The following VPS13B variants were observed in gnomAD, a reference collection of about 807,000 sequenced individuals.
The protein encoded by VPS13B is vacuolar protein sorting 13 homolog B.
In VPS13B, 285 loss-of-function variants were observed where a neutral mutation model predicts 426.4. The ratio of observed to expected loss-of-function variants is 0.67; its 90% confidence interval spans 0.61 to 0.74. The LOEUF is 0.74. VPS13B is among the 30% of genes least tolerant of loss of function. The pLI is 0.00. For synonymous variants in VPS13B, 1,676 were observed against 1,676.4 expected (o/e 1.00, Z 0.01); for missense variants, 4,537 against 4,782.6 (o/e 0.95, Z 1.51).
rs566514814 is a variant in VPS13B, at chr8:99,045,507, G to A, written c.291+6941G>A. ...TTTTCTCCGACTCTGTGGATTGTCT[G>A]TTTACTCTGCTGACTGTTCCTTTTG... On this transcript the variant is annotated intron_variant, in intron 3 of 61. Coordinates refer to ENST00000357162, the MANE Select transcript of VPS13B (RefSeq NM_152564.5). Among the ~76,000 whole-genome samples, 5 of 152,212 alleles carry A rather than the reference G, an allele frequency of 3.3e-5. No individual in the cohort carries two copies. In the South Asian group the frequency reaches 1.0e-3, roughly 32 times the overall value.
Position 99,556,527 on chromosome 8 carries a change from C to G in VPS13B, c.4823C>G (p.Ser1608Cys). Reference protein sequence around the residue: ...EDRQYQIDLQSINIGTAQWHQ... With the variant: ...EDRQYQIDLQCINIGTAQWHQ... ...AGACAATACCAAATAGATCTGCAGT[C>G]CATCAATATTGGTACTGCACAGTGG... Residue 1608 changes from serine (S) to cysteine (C), a missense_variant, in exon 31 of 62, where the codon TCC becomes TGC. By Grantham distance (112) the Ser-to-Cys change is moderately radical. Around this residue, in one of 2 missense-constraint regions of VPS13B, gnomAD observed 4,311 missense variants for 4,474.3 expected, o/e 0.96. Coordinates refer to ENST00000357162, the MANE Select transcript of VPS13B (RefSeq NM_152564.5). 1 of 1,613,098 alleles carries G rather than the reference C, an allele frequency of 6.2e-7. No individual in the cohort carries two copies. The highest frequency in any genetic ancestry group is 8.5e-7 in the Non-Finnish European group (1 of 1,179,490).
At chr8:99,184,240 A>G (rs1813094079) in intron 16 of VPS13B, among the ~76,000 whole-genome samples, 1 of 152,210 alleles carries the variant, frequency 6.6e-6, no homozygotes, top group African/African-American at 2.4e-5. Context: ...AGATACCTAC[A>G]GGGGTATGGT....
chr8:99,013,714 C>T, intron 1 of VPS13B, 46 bp from the exon 2 acceptor site: 3 of 1,589,646 alleles, frequency 1.9e-6, no homozygotes, highest in Admixed American at 1.7e-5. Flanking sequence ...ACGCTCTTTC[C>T]TTCACTCTAC....
intron 14 of VPS13B, among the ~76,000 whole-genome samples, chr8:99,154,311 G>T (rs1336420237): frequency 6.6e-6 from 1 of 151,618 alleles, no homozygotes; most frequent in South Asian, 2.1e-4. Flanking sequence ...TGTGGAATTC[G>T]TATTACATGT....
intron 40 of VPS13B, among the ~76,000 whole-genome samples, chr8:99,774,083 A>G (rs1811634372): frequency 6.6e-6 from 1 of 152,180 alleles, no homozygotes; most frequent in Admixed American, 6.5e-5. Flanking sequence ...CTACTTTTAT[A>G]GTATATAATG....
chr8:99,415,111 A>G (rs1815922682), intron 21 of VPS13B, among the ~76,000 whole-genome samples: 1 of 151,628 alleles, frequency 6.6e-6, no homozygotes, highest in Non-Finnish European at 1.5e-5. Flanking sequence ...ATTCCTTTTC[A>G]TTCTTTTTTC....
At chr8:99,015,556 T>G (rs942407990) in intron 2 of VPS13B, among the ~76,000 whole-genome samples, 33 of 138,460 alleles carry the variant, frequency 2.4e-4, no homozygotes, top group Non-Finnish European at 4.9e-4. Context: ...GTGCAACTAC[T>G]GTCCAATAAA....
chr8:99,143,834 A>G (rs1338155899), intron 13 of VPS13B, among the ~76,000 whole-genome samples: 1 of 152,188 alleles, frequency 6.6e-6, no homozygotes, highest in Admixed American at 6.5e-5. Flanking sequence ...GAGATGGCTA[A>G]TTGTCTCCTC....
intron 39 of VPS13B, 63 bp downstream of exon 39, chr8:99,721,110 GA>G: frequency 6.4e-7 from 1 of 1,551,942 alleles, no homozygotes; most frequent in Non-Finnish European, 8.9e-7. Flanking sequence ...CATATATTAG[GA>G]AAAATGTTTG....
chr8:99,506,998 A>G (rs1452174301), intron 27 of VPS13B, 139 bp from the exon 28 acceptor site: 12 of 839,688 alleles, frequency 1.4e-5, no homozygotes, highest in African/African-American at 6.7e-5. Flanking sequence ...AAATTGTTCT[A>G]TTGATTGCAT....
chr8:99,710,557 T>G lies in VPS13B; in HGVS notation c.6455-6614T>G, dbSNP rs183322670. Among the ~76,000 whole-genome samples the G allele has an allele frequency of 2.6e-5, 4 of 152,248 alleles. No individual in the cohort carries two copies. The East Asian group carries it at 7.7e-4, about 29-fold the overall frequency. On this transcript the variant is annotated intron_variant, in intron 36 of 61. Transcript: ENST00000357162. ...CATGGGCTGGCTTCTCAGAGTGAAA[T>G]AAAGGGGAAAGGAAAATTAATAACC...
At chr8:99,423,692 G>C (rs1281351681) in intron 21 of VPS13B, among the ~76,000 whole-genome samples, 6 of 152,058 alleles carry the variant, frequency 3.9e-5, no homozygotes, top group Non-Finnish European at 7.4e-5. Context: ...AAATTTCATA[G>C]GTATACAACT....
chr8:99,815,657 A>ATGTGTG (rs34093323), intron 44 of VPS13B, among the ~76,000 whole-genome samples: 7 of 151,730 alleles, frequency 4.6e-5, no homozygotes, highest in South Asian at 2.1e-4. Flanking sequence ...TATACTGTGT[A>ATGTGTG]TGTGTGTGTG....
intron 19 of VPS13B, among the ~76,000 whole-genome samples, chr8:99,327,979 T>C (rs1216509604): frequency 6.6e-6 from 1 of 152,232 alleles, no homozygotes; most frequent in Non-Finnish European, 1.5e-5. Context: ...GATATACTTT[T>C]AAAGTAGAAG....
intron 22 of VPS13B, among the ~76,000 whole-genome samples, chr8:99,435,520 C>T (rs551647693): frequency 6.6e-6 from 1 of 152,182 alleles, no homozygotes; most frequent in South Asian, 2.1e-4. Flanking sequence ...CATCAATATT[C>T]CACAATGTAG....
At chr8:99,225,434 G>T (rs1457657358) in intron 17 of VPS13B, among the ~76,000 whole-genome samples, 1 of 151,888 alleles carries the variant, frequency 6.6e-6, no homozygotes, top group Non-Finnish European at 1.5e-5. Flanking sequence ...CCACCACCAC[G>T]CCCGGCTAAT....
At chr8:99,871,228 A>G in intron 60 of VPS13B, 1 of 703,372 alleles carries the variant, frequency 1.4e-6, no homozygotes, top group Non-Finnish European at 2.4e-6. Context: ...AGGAGCTAAT[A>G]AGCAAAACCA....
In VPS13B at chr8:99,431,584, GA is replaced by G. The variant is rs1057517447; in HGVS notation, c.3133del (p.Ser1045AlafsTer9). On this transcript the variant is annotated frameshift_variant, in exon 22 of 62. Transcript: ENST00000357162. LOFTEE classifies it high-confidence loss of function. ...VPVKAMLNIS[E>X]SCRSPEERMK... Reference sequence around the variant, plus strand: ...TGTTAAAGCCATGTTGAATATATCTGAAAGCTGTAGAAGTCCTGAAGAAAGA... The same window carrying G: ...TGTTAAAGCCATGTTGAATATATCTGAAGCTGTAGAAGTCCTGAAGAAAGA... 2 of 1,613,482 alleles carry G rather than the reference GA, an allele frequency of 1.2e-6. No individual in the cohort carries two copies. Among genetic ancestry groups the G allele is most frequent in the Non-Finnish European group, 1.7e-6 (2 of 1,179,738 alleles).
At chr8:99,201,545 G>C (rs762177815) in intron 17 of VPS13B, among the ~76,000 whole-genome samples, 1 of 152,102 alleles carries the variant, frequency 6.6e-6, no homozygotes, top group Non-Finnish European at 1.5e-5. Context: ...TGTTGAATCA[G>C]TCACTAATTT....
Sources: gnomAD v4.1 joint callset for allele counts (sites outside exome capture counted in the v4.1 genomes callset) on GRCh38, gnomAD v4.1.1 for gene constraint, gnomAD v4.1.1 regional missense constraint, MANE v1.5 for transcripts, NCBI Gene and HGNC (gene_info 2026-07-23, HGNC 2026-07-21) for gene names.